The following ABL1 variants were observed in gnomAD, a reference collection of about 807,000 sequenced individuals.
ABL1 encodes ABL proto-oncogene 1, non-receptor tyrosine kinase.
Under a neutral mutation model 94.7 loss-of-function variants are expected in ABL1, and 11 were observed. The ratio of observed to expected loss-of-function variants is 0.12; its 90% confidence interval spans 0.07 to 0.19. The LOEUF is 0.19. Ranked by LOEUF, ABL1 falls within the 10% of genes least tolerant of loss-of-function variation. ABL1 has a pLI of 1.00. For synonymous variants in ABL1, 656 were observed against 622.4 expected, an observed-to-expected ratio of 1.05 and a Z score of -0.80; for missense variants, 1,082 against 1,489.4, an observed-to-expected ratio of 0.73 and a Z score of 4.50.
chr9:130,846,241 C>G (rs2132940228), intron 1 of ABL1, among the ~76,000 whole-genome samples: 1 of 152,212 alleles, frequency 6.6e-6, no homozygotes, highest in Middle Eastern at 3.4e-3. Flanking sequence ...TACTTTTCCT[C>G]TAAGCTCATA....
At chr9:130,750,608 A>AC (rs1263382540) in intron 1 of ABL1, among the ~76,000 whole-genome samples, 2 of 142,568 alleles carry the variant, frequency 1.4e-5, no homozygotes, top group African/African-American at 5.2e-5. Flanking sequence ...TGAGCACCTG[A>AC]CCTAACATGG....
chr9:130,855,991 C>G (rs1195550142), intron 3 of ABL1, among the ~76,000 whole-genome samples: 2 of 152,182 alleles, frequency 1.3e-5, no homozygotes, highest in Non-Finnish European at 2.9e-5. Context: ...TCTTGGCTCA[C>G]TGCAACCTCT....
chr9:130,886,275 C>T lies in ABL1; in HGVS notation c.*592C>T, dbSNP rs370980889. 18 of 235,318 alleles carry T rather than the reference C, an allele frequency of 7.6e-5. No individual in the cohort carries two copies. Among genetic ancestry groups the T allele is most frequent in the Non-Finnish European group, 1.3e-4 (15 of 119,416 alleles). The allele number at this position is 235,318 out of a possible 1,614,324, so 14.6% of individuals were successfully genotyped here. A position where few individuals can be genotyped will look rare whatever the true frequency, so the allele number is the denominator to read the frequency against. ...GCTGCTGCCCGGGGTGGGGTGCACT[C>T]GCCATTTCCTCACGTGCAGGACAGC... is the stretch of plus-strand genomic sequence containing the variant. On this transcript the variant is annotated 3_prime_UTR_variant, in exon 11 of 11. Coordinates refer to ENST00000318560, the MANE Select transcript of ABL1 (RefSeq NM_005157.6).
intron 1 of ABL1, among the ~76,000 whole-genome samples, chr9:130,807,694 A>ATATATAT (rs1564295840): frequency 1.6e-5 from 1 of 63,982 alleles, no homozygotes; most frequent in African/African-American, 6.9e-5. Context: ...ATATATATAT[A>ATATATAT]GTTTTTTTTT....
intron 1 of ABL1, among the ~76,000 whole-genome samples, chr9:130,809,127 G>A (rs1275456908): frequency 6.6e-6 from 1 of 152,172 alleles, no homozygotes; most frequent in African/African-American, 2.4e-5. Flanking sequence ...GGCAAGAGAT[G>A]CACAGAGAAG....
intron 1 of ABL1, among the ~76,000 whole-genome samples, chr9:130,744,953 G>GT (rs536234465): frequency 6.6e-6 from 1 of 151,914 alleles, no homozygotes; most frequent in South Asian, 2.1e-4. Flanking sequence ...GCCTAATGAT[G>GT]TAAGTGCCAA....
At chr9:130,875,176 C>G in intron 7 of ABL1, 124 bp downstream of exon 7, 1 of 1,085,546 alleles carries the variant, frequency 9.2e-7, no homozygotes, top group South Asian at 1.7e-5. Flanking sequence ...GAGTCTCACT[C>G]TGTCACCCAG....
chr9:130,828,104 T>G (rs1830449200), intron 1 of ABL1, among the ~76,000 whole-genome samples: 1 of 152,032 alleles, frequency 6.6e-6, no homozygotes, highest in Non-Finnish European at 1.5e-5. Context: ...TTTATTTATT[T>G]TTGATACATG....
Position 130,760,725 on chromosome 9 carries a change from C to T in ABL1, c.136+46270C>T, listed in dbSNP as rs534015645. ...GTCGCCAGGCTGGAGTGCAGTGGCG[C>T]GATCTCGGCTCACTGCAACCTCCAC... On this transcript the variant is annotated intron_variant, in intron 1 of 10. Coordinates refer to the ABL1 transcript ENST00000372348. 6.0e-5 allele frequency among the ~76,000 whole-genome samples: 9 copies of T among 151,050 alleles called. No individual in the cohort carries two copies. The East Asian group carries it at 1.8e-3, about 30-fold the overall frequency.
intron 1 of ABL1, among the ~76,000 whole-genome samples, chr9:130,716,512 A>G (rs955513487): frequency 3.3e-5 from 5 of 152,196 alleles, no homozygotes; most frequent in Non-Finnish European, 2.9e-5. Context: ...GTATGCATCA[A>G]GCACTTCTGT....
At chr9:130,764,736 T>A (rs936648134) in intron 1 of ABL1, among the ~76,000 whole-genome samples, 4 of 152,126 alleles carry the variant, frequency 2.6e-5, no homozygotes, top group African/African-American at 7.2e-5. Flanking sequence ...GGCAGGTGGA[T>A]CACGAGGTCA....
At chr9:130,810,654 C>T (rs1316177808) in intron 1 of ABL1, among the ~76,000 whole-genome samples, 3 of 150,410 alleles carry the variant, frequency 2.0e-5, no homozygotes, top group Non-Finnish European at 4.4e-5. Context: ...ATGAACACAA[C>T]ATCAGTAAAG....
chr9:130,788,746 G>A (rs1253153458), intron 1 of ABL1, among the ~76,000 whole-genome samples: 1 of 152,128 alleles, frequency 6.6e-6, no homozygotes, highest in East Asian at 1.9e-4. Context: ...ATTTTGGCTG[G>A]AACATTTCAG....
chr9:130,845,174 T>C (rs1830744539), intron 1 of ABL1, among the ~76,000 whole-genome samples: 1 of 152,236 alleles, frequency 6.6e-6, no homozygotes, highest in Admixed American at 6.5e-5. Flanking sequence ...GGCAGTAGAT[T>C]AAATGAGTTT....
At chr9:130,753,617 G>A (rs1026887760) in intron 1 of ABL1, among the ~76,000 whole-genome samples, 1 of 150,800 alleles carries the variant, frequency 6.6e-6, no homozygotes, top group Non-Finnish European at 1.5e-5. Context: ...GTAGAGACGG[G>A]TTTTTACCAT....
At chr9:130,848,472 C>T (rs1415300619) in intron 1 of ABL1, among the ~76,000 whole-genome samples, 1 of 145,290 alleles carries the variant, frequency 6.9e-6, no homozygotes, top group Non-Finnish European at 1.5e-5. Context: ...GAGCCTAGAT[C>T]GCACCACTGC....
intron 1 of ABL1, among the ~76,000 whole-genome samples, chr9:130,750,366 A>G (rs569914080): frequency 6.8e-6 from 1 of 146,360 alleles, no homozygotes; most frequent in East Asian, 2.0e-4. Flanking sequence ...AAAAATCCCC[A>G]TCATCCTTCC....
intron 1 of ABL1, among the ~76,000 whole-genome samples, chr9:130,750,644 C>CTTTTTTTTTTTTTTTTTTTTTTTTTTT (rs71389345): frequency 1.1e-5 from 1 of 87,284 alleles, no homozygotes; most frequent in Non-Finnish European, 2.1e-5. Flanking sequence ...CTTTTTCTTT[C>CTTTTTTTTTTTTTTTTTTTTTTTTTTT]TTTTTTTTTT....
intron 1 of ABL1, among the ~76,000 whole-genome samples, chr9:130,815,983 A>T (rs1227641795): frequency 2.6e-5 from 4 of 152,164 alleles, no homozygotes; most frequent in Non-Finnish European, 5.9e-5. Flanking sequence ...GCGCCACTGC[A>T]CTCCAGCCTG....
Sources: allele counts gnomAD v4.1 joint callset (sites outside exome capture counted in the v4.1 genomes callset), GRCh38; gene constraint gnomAD v4.1.1; transcripts MANE v1.5; gene names NCBI Gene and HGNC (gene_info 2026-07-23, HGNC 2026-07-21).